MAP4: variants seen among roughly 807,000 people sequenced by gnomAD.
The protein encoded by MAP4 is microtubule-associated protein 4.
A neutral mutation model predicts 170.2 loss-of-function variants in MAP4; 76 were observed. The ratio of observed to expected loss-of-function variants is 0.45; its 90% confidence interval spans 0.37 to 0.54. MAP4 has a LOEUF of 0.54. MAP4 is among the 20% of genes least tolerant of loss of function. MAP4 has a pLI of 0.00. For missense variants in MAP4, 2,506 were observed against 2,748.0 expected (o/e 0.91, Z 1.97); for synonymous variants, 909 against 994.5 (o/e 0.91, Z 1.62).
At chr3:47,980,777 C>T (rs2100084996) in intron 2 of MAP4, among the ~76,000 whole-genome samples, 1 of 152,130 alleles carries the variant, frequency 6.6e-6, no homozygotes, top group Non-Finnish European at 1.5e-5. Flanking sequence ...CACATTCACA[C>T]AATAAGCTTA....
intron 3 of MAP4, among the ~76,000 whole-genome samples, chr3:47,953,350 C>A (rs2100065712): frequency 6.6e-6 from 1 of 151,926 alleles, no homozygotes; most frequent in Admixed American, 6.6e-5. Flanking sequence ...CACAGAGACC[C>A]CATCTCCACA....
intron 1 of MAP4, among the ~76,000 whole-genome samples, chr3:48,000,788 C>G (rs374411233): frequency 6.3e-4 from 96 of 152,324 alleles, no homozygotes; most frequent in African/African-American, 2.2e-3. Context: ...TACTATGATT[C>G]AAGCCACTTA....
At position 47,916,156 on chromosome 3, in the gene MAP4, G is replaced by C. The variant is rs1232888960; in HGVS notation, c.1671C>G (p.Pro557=). The change falls in exon 7 of 21, where the codon CCC becomes CCG. Residue 557 remains proline (P), a synonymous_variant. Coordinates refer to ENST00000683076, the MANE Select transcript of MAP4 (RefSeq NM_001385682.1). The part of the protein sequence containing the change: ...DQVPALKTEA[P]LAKDGVLTLA... ...GGGTCAGAACCCCATCCTTAGCCAGGGGTGCTTCTGTTTTGAGGGCTGGGA... is the reference window on the plus strand; with the variant it reads ...GGGTCAGAACCCCATCCTTAGCCAGCGGTGCTTCTGTTTTGAGGGCTGGGA... 6.2e-7 allele frequency: 1 copy of C among 1,614,176 alleles called. No homozygotes were observed. Among genetic ancestry groups the C allele is most frequent in the East Asian group, 2.2e-5 (1 of 44,888 alleles).
Position 47,871,930 on chromosome 3 carries a change from G to C in MAP4, c.5928C>G (p.Pro1976=). The change falls in exon 13 of 21, where the codon CCC becomes CCG. Residue 1976 remains proline, a synonymous_variant. Coordinates refer to ENST00000683076, the MANE Select transcript of MAP4 (RefSeq NM_001385682.1). ...PSSRSPSTLL[P]KKPTAIKTEG... Reference sequence around the variant, plus strand: ...GGCAATACTCACCAGTGGGCTTCTTGGGCAGGAGCGTGGAGGGGCTCCTAC... The same window carrying C: ...GGCAATACTCACCAGTGGGCTTCTTCGGCAGGAGCGTGGAGGGGCTCCTAC... The C allele has an allele frequency of 6.2e-7, 1 of 1,611,662 alleles. No homozygotes were observed. The highest frequency in any genetic ancestry group is 1.1e-5 in the South Asian group (1 of 90,910).
chr3:48,038,009 A>T (rs1247336015), intron 1 of MAP4, among the ~76,000 whole-genome samples: 1 of 117,424 alleles, frequency 8.5e-6, no homozygotes, highest in East Asian at 2.9e-4. Context: ...TCTACTAAAT[A>T]TACAAAAATT....
At chr3:48,082,327 T>C (rs1421244755) in intron 1 of MAP4, among the ~76,000 whole-genome samples, 5 of 152,228 alleles carry the variant, frequency 3.3e-5, no homozygotes, top group Non-Finnish European at 7.3e-5. Flanking sequence ...TATTAACTAA[T>C]TACTTTAGGA....
chr3:47,984,295 G>A (rs1004646169), intron 2 of MAP4, among the ~76,000 whole-genome samples: 1 of 152,044 alleles, frequency 6.6e-6, no homozygotes, highest in Non-Finnish European at 1.5e-5. Context: ...ACCATGCCCG[G>A]CCTCCCTGGT....
rs981230748 is a variant in MAP4 at position 47,906,807 on chromosome 3, CA to C, written c.5383+2230del. Among the ~76,000 whole-genome samples the C allele has an allele frequency of 1.6e-4, 22 of 141,508 alleles. No homozygotes were observed. In the East Asian group the frequency reaches 2.2e-3, roughly 14 times the overall value. The allele number at this position is 141,508 out of a possible 152,430, so 92.8% of individuals were successfully genotyped here. ...CAGGAAAAAAGATTAAAAAAAAAAA[CA>C]AAAAAAAGAGGCCTCTTTCTTTATA... On this transcript the variant is annotated intron_variant, in intron 9 of 20. Transcript: ENST00000683076.
At chr3:47,928,459 C>T (rs1253510229) in intron 3 of MAP4, 109 bp from the exon 4 acceptor site, 2 of 1,130,778 alleles carry the variant, frequency 1.8e-6, no homozygotes, top group African/African-American at 3.1e-5. Context: ...AAAATCCTAT[C>T]TAGCTAGTGT....
intron 15 of MAP4, among the ~76,000 whole-genome samples, chr3:47,870,357 TAGTCCTC>T (rs2089415706): frequency 2.6e-5 from 4 of 152,146 alleles, no homozygotes; most frequent in Non-Finnish European, 5.9e-5. Context: ...GAGGACACCC[TAGTCCTC>T]TTTCAGATAT....
chr3:47,987,914 G>A (rs2100089755), intron 2 of MAP4, among the ~76,000 whole-genome samples: 1 of 152,102 alleles, frequency 6.6e-6, no homozygotes, highest in African/African-American at 2.4e-5. Context: ...AAGAAGGCAG[G>A]CCGGGCACGG....
chr3:47,972,062 T>A (rs1348058867), intron 3 of MAP4, among the ~76,000 whole-genome samples: 1 of 152,186 alleles, frequency 6.6e-6, no homozygotes, highest in Non-Finnish European at 1.5e-5. Flanking sequence ...AAAAAGGAAA[T>A]CTAAAAACAT....
intron 3 of MAP4, among the ~76,000 whole-genome samples, chr3:47,945,987 T>C (rs1054575475): frequency 1.3e-5 from 2 of 151,948 alleles, no homozygotes; most frequent in African/African-American, 4.8e-5. Context: ...CAGGCTGGAG[T>C]GCAGTGGCAC....
chr3:47,886,017 C>T (rs977053645), intron 10 of MAP4, among the ~76,000 whole-genome samples: 2 of 152,164 alleles, frequency 1.3e-5, no homozygotes, highest in African/African-American at 2.4e-5. Flanking sequence ...CGTGAGCCAC[C>T]GCGCCCGGCT....
At chr3:48,053,691 A>G (rs997650413) in intron 1 of MAP4, among the ~76,000 whole-genome samples, 6 of 152,194 alleles carry the variant, frequency 3.9e-5, no homozygotes, top group Non-Finnish European at 8.8e-5. Context: ...TTATTTGTAC[A>G]TGATCTGTCT....
chr3:47,995,866 T>C (rs971766766), intron 2 of MAP4, among the ~76,000 whole-genome samples: 5 of 152,086 alleles, frequency 3.3e-5, no homozygotes, highest in East Asian at 1.9e-4. Flanking sequence ...AGAAGAGACA[T>C]TGGGTACCCT....
chr3:47,994,306 TC>T (rs1337029257), intron 2 of MAP4, among the ~76,000 whole-genome samples: 1 of 152,216 alleles, frequency 6.6e-6, no homozygotes, highest in African/African-American at 2.4e-5. Context: ...AGACATTTGT[TC>T]TTTGACTGAC....
chr3:47,907,783 A>G (rs1217702863), intron 9 of MAP4, among the ~76,000 whole-genome samples: 5 of 152,244 alleles, frequency 3.3e-5, no homozygotes, highest in African/African-American at 4.8e-5. Context: ...GGAAATCTCA[A>G]TGAATGCTGG....
intron 17 of MAP4, among the ~76,000 whole-genome samples, chr3:47,866,378 A>AC (rs1178404483): frequency 2.6e-5 from 4 of 151,694 alleles, no homozygotes; most frequent in Non-Finnish European, 5.9e-5. Context: ...AAACAAACAA[A>AC]AAAACAGGAA....
Sources: allele counts gnomAD v4.1 joint callset (sites outside exome capture counted in the v4.1 genomes callset), GRCh38; gene constraint gnomAD v4.1.1; transcripts MANE v1.5; gene names NCBI Gene and HGNC (gene_info 2026-07-23, HGNC 2026-07-21).